The following SCAPER variants were observed in gnomAD, a reference collection of about 807,000 sequenced individuals.
The protein encoded by SCAPER is S phase cyclin A-associated protein in the endoplasmic reticulum.
A neutral mutation model predicts 182.2 loss-of-function variants in SCAPER; 98 were observed. The ratio of observed to expected loss-of-function variants is 0.54; its 90% confidence interval spans 0.46 to 0.64. SCAPER has a LOEUF of 0.64. Ranked by LOEUF, SCAPER falls within the 30% of genes least tolerant of loss-of-function variation. SCAPER has a pLI of 0.00. For synonymous variants in SCAPER, 605 were observed against 564.6 expected, an observed-to-expected ratio of 1.07 and a Z score of -1.01; for missense variants, 1,432 against 1,690.0, an observed-to-expected ratio of 0.85 and a Z score of 2.68.
At chr15:76,683,562 T>C (rs2057855877) in intron 20 of SCAPER, among the ~76,000 whole-genome samples, 1 of 151,888 alleles carries the variant, frequency 6.6e-6, no homozygotes, top group African/African-American at 2.4e-5. Context: ...CAGAGAACCC[T>C]GCACAATACT....
At chr15:76,408,212 T>G (rs8031672) in intron 26 of SCAPER, among the ~76,000 whole-genome samples, 1 of 152,060 alleles carries the variant, frequency 6.6e-6, no homozygotes, top group Non-Finnish European at 1.5e-5. Context: ...TGAAAATGTA[T>G]GTATTTGTTG....
chr15:76,783,713 G>C (rs972555423), intron 8 of SCAPER, among the ~76,000 whole-genome samples: 7 of 152,114 alleles, frequency 4.6e-5, no homozygotes, highest in Admixed American at 3.9e-4. Context: ...TCATCCCTGG[G>C]ATGCAAGGCT....
At chr15:76,689,178 A>G (rs1294103965) in intron 20 of SCAPER, among the ~76,000 whole-genome samples, 1 of 152,154 alleles carries the variant, frequency 6.6e-6, no homozygotes, top group Non-Finnish European at 1.5e-5. Context: ...AGGAAAAAAA[A>G]TGAAAATCAA....
At chr15:76,724,747 T>C (rs1368803163) in intron 17 of SCAPER, among the ~76,000 whole-genome samples, 1 of 152,220 alleles carries the variant, frequency 6.6e-6, no homozygotes, top group Non-Finnish European at 1.5e-5. Context: ...ATTTGTCACG[T>C]AGTTCTCGTG....
intron 27 of SCAPER, among the ~76,000 whole-genome samples, chr15:76,396,419 G>C (rs1386587249): frequency 2.6e-4 from 40 of 152,066 alleles, no homozygotes; most frequent in Non-Finnish European, 2.9e-5. Context: ...AGGGTAGTAT[G>C]GACATTTTTA....
chr15:76,678,398 T>G (rs1268313663), intron 20 of SCAPER, among the ~76,000 whole-genome samples: 1 of 84,316 alleles, frequency 1.2e-5, no homozygotes, highest in Non-Finnish European at 2.4e-5. Context: ...GTTTTACCAG[T>G]TAACTGAAAA....
intron 24 of SCAPER, among the ~76,000 whole-genome samples, chr15:76,488,977 C>T (rs1295252963): frequency 6.6e-6 from 1 of 151,136 alleles, no homozygotes; most frequent in Non-Finnish European, 1.5e-5. Flanking sequence ...CCTGTCTCAG[C>T]CTCCCAAAGT....
chr15:76,348,782 A>C, intron 31 of SCAPER, 46 bp from the exon 32 acceptor site: 1 of 1,148,632 alleles, frequency 8.7e-7, no homozygotes. Flanking sequence ...AAGAGGGTTA[A>C]ATTCTTTGAA....
chr15:76,446,227 TGA>T (rs2047986551), intron 25 of SCAPER, among the ~76,000 whole-genome samples: 2 of 152,204 alleles, frequency 1.3e-5, no homozygotes, highest in Non-Finnish European at 2.9e-5. Flanking sequence ...CTTCTGAGCC[TGA>T]GTCTTTAACT....
chr15:76,512,347 C>A (rs1300528349), intron 23 of SCAPER, among the ~76,000 whole-genome samples: 1 of 152,052 alleles, frequency 6.6e-6, no homozygotes, highest in Non-Finnish European at 1.5e-5. Flanking sequence ...TTTTCCAAGA[C>A]TGAAGGAAAT....
intron 17 of SCAPER, among the ~76,000 whole-genome samples, chr15:76,726,554 T>C (rs2060611736): frequency 6.6e-6 from 1 of 151,998 alleles, no homozygotes; most frequent in South Asian, 2.1e-4. Flanking sequence ...CCCGTGTTTA[T>C]AGCAGCATTA....
At chr15:76,680,348 G>C (rs2057622739) in intron 20 of SCAPER, among the ~76,000 whole-genome samples, 1 of 149,794 alleles carries the variant, frequency 6.7e-6, no homozygotes. Context: ...TATTAAACCA[G>C]GTAAATTTCA....
At chr15:76,810,921 C>T (rs2066555664) in intron 5 of SCAPER, among the ~76,000 whole-genome samples, 1 of 151,958 alleles carries the variant, frequency 6.6e-6, no homozygotes, top group Non-Finnish European at 1.5e-5. Context: ...AAAAAACTGT[C>T]TCCAGAGAAA....
chr15:76,519,201 C>T (rs1243477664), intron 23 of SCAPER, among the ~76,000 whole-genome samples: 1 of 152,178 alleles, frequency 6.6e-6, no homozygotes, highest in East Asian at 1.9e-4. Context: ...TATATTTACA[C>T]AACGCTTTTA....
intron 21 of SCAPER, among the ~76,000 whole-genome samples, chr15:76,622,436 C>G (rs2052173177): frequency 6.6e-6 from 1 of 151,430 alleles, no homozygotes; most frequent in Non-Finnish European, 1.5e-5. Context: ...ATACTCCTAC[C>G]TAAAAAAGTG....
chr15:76,357,502 T>C (rs1432740612), intron 29 of SCAPER, among the ~76,000 whole-genome samples: 3 of 152,246 alleles, frequency 2.0e-5, no homozygotes, highest in Non-Finnish European at 1.5e-5. Flanking sequence ...GCTTATACGC[T>C]GTTGGTGGGA....
rs185621093 is a variant in SCAPER at position 76,642,582 on chromosome 15, G to A, written c.2646-20753C>T. ...CATACCTGGATCAGTAAAATAACCT[G>A]CTATTCACCATGTTCTCAACCTTCT... is the stretch of plus-strand genomic sequence containing the variant. On this transcript the variant is annotated intron_variant, in intron 21 of 31. Transcript: ENST00000563290. 5.3e-5 allele frequency among the ~76,000 whole-genome samples: 8 copies of A among 152,080 alleles called. No homozygotes were observed. The East Asian group carries it at 9.7e-4, about 18-fold the overall frequency.
intron 26 of SCAPER, among the ~76,000 whole-genome samples, chr15:76,428,779 T>C (rs959304220): frequency 6.7e-6 from 1 of 150,046 alleles, no homozygotes; most frequent in African/African-American, 2.5e-5. Flanking sequence ...ACAAAATCCC[T>C]AGAAGAGAGG....
chr15:76,782,399 C>G (rs2064220347), intron 8 of SCAPER, among the ~76,000 whole-genome samples: 1 of 152,144 alleles, frequency 6.6e-6, no homozygotes, highest in South Asian at 2.1e-4. Flanking sequence ...TAGAGACCTA[C>G]AAAGAGACTT....
Sources: gnomAD v4.1 joint callset for allele counts (sites outside exome capture counted in the v4.1 genomes callset) on GRCh38, gnomAD v4.1.1 for gene constraint, MANE v1.5 for transcripts, NCBI Gene and HGNC (gene_info 2026-07-23, HGNC 2026-07-21) for gene names.